Variants in PPP1R3A observed in about 807,000 individuals in gnomAD.
PPP1R3A encodes the protein RG1.
In PPP1R3A, 29 loss-of-function variants were observed where a neutral mutation model predicts 41.7. The ratio of observed to expected loss-of-function variants is 0.70; its 90% confidence interval spans 0.52 to 0.95. PPP1R3A has a LOEUF of 0.95. PPP1R3A is among the 40% of genes least tolerant of loss of function. The pLI, the probability that PPP1R3A is intolerant of heterozygous loss-of-function variation, is 0.00. For missense variants in PPP1R3A, 1,352 were observed against 1,292.4 expected (o/e 1.05, Z -0.71); for synonymous variants, 485 against 453.4 (o/e 1.07, Z -0.89).
chr7:113,880,907 C>T (rs1012809986), intron 3 of PPP1R3A, among the ~76,000 whole-genome samples: 1 of 151,562 alleles, frequency 6.6e-6, no homozygotes, highest in South Asian at 2.1e-4. Flanking sequence ...TTGTTTTATG[C>T]ATTAACGTCA....
Position 113,880,076 on chromosome 7 carries a change from C to T in PPP1R3A, c.1016G>A (p.Arg339Lys), listed in dbSNP as rs1796662673. 2.5e-6 allele frequency: 4 copies of T among 1,609,076 alleles called. No individual in the cohort carries two copies. In the East Asian group the frequency reaches 6.7e-5, roughly 27 times the overall value. Residue 339 changes from arginine to lysine, a missense_variant, in exon 4 of 4, where the codon AGG (arginine) becomes AAG (lysine). Coordinates refer to ENST00000284601, the MANE Select transcript of PPP1R3A (RefSeq NM_002711.4). The part of the protein sequence containing the change: ...RTRSTASRDE[R>K]NTFSTDPVNF... ...GACTGGATCTGTTGAAAATGTATTC[C>T]TTTCATCTCTGGAAGCAGTACTTCT...
chr7:113,913,002 G>T (rs78809945), intron 1 of PPP1R3A, among the ~76,000 whole-genome samples: 21 of 152,190 alleles, frequency 1.4e-4, no homozygotes, highest in Admixed American at 4.6e-4. Flanking sequence ...AAGCCTTGGT[G>T]GACCTCCAAG....
chr7:113,896,747 T>C (rs192732787), intron 1 of PPP1R3A, among the ~76,000 whole-genome samples: 15 of 151,964 alleles, frequency 9.9e-5, no homozygotes, highest in African/African-American at 3.6e-4. Flanking sequence ...AGGAAACAGA[T>C]GTAAGCCACT....
rs1796587427 is a variant in PPP1R3A at position 113,877,553 on chromosome 7, A to G, written c.*170T>C. 18 of 676,070 alleles carry G rather than the reference A, an allele frequency of 2.7e-5. No homozygotes were observed. The South Asian group carries it at 4.1e-4, about 15-fold the overall frequency. 41.9% of individuals were successfully genotyped at this position (676,070 alleles called of 1,614,324 possible). A position where few individuals can be genotyped will look rare whatever the true frequency, so the allele number is the denominator to read the frequency against. On this transcript the variant is annotated 3_prime_UTR_variant, in exon 4 of 4. Coordinates refer to ENST00000284601, the MANE Select transcript of PPP1R3A (RefSeq NM_002711.4). ...TTAATGATCCAAACATAATGGTCCTATATAGAATAATTACTTATATGAAGG... is the reference window on the plus strand; with the variant it reads ...TTAATGATCCAAACATAATGGTCCTGTATAGAATAATTACTTATATGAAGG...
Position 113,879,714 on chromosome 7 carries a change from G to T in PPP1R3A, c.1378C>A (p.Gln460Lys), listed in dbSNP as rs1396740251. The change falls in exon 4 of 4, where the codon CAA (glutamine) becomes AAA (lysine). Residue 460 changes from glutamine to lysine, a missense_variant. Transcript: ENST00000284601. ...TTATTAAGGTTTCCTGCCATTAGTT[G>T]ATCTGAAGAGGGGCAAGGTATTTGC... ...TVQIPCPSSD[Q>K]LMAGNLNKKH... is the part of the protein sequence containing the mutation. 3.7e-6 allele frequency: 6 copies of T among 1,612,970 alleles called. No homozygotes were observed. The East Asian group carries it at 1.1e-4, about 30-fold the overall frequency.
At chr7:113,909,426 T>C (rs1025983523) in intron 1 of PPP1R3A, among the ~76,000 whole-genome samples, 1 of 149,016 alleles carries the variant, frequency 6.7e-6, no homozygotes, top group Non-Finnish European at 1.5e-5. Context: ...GAGGAAATAC[T>C]GTAATAATAG....
rs1370663469 is a variant in PPP1R3A, at chr7:113,879,966, G to T, written c.1126C>A (p.Pro376Thr). ...CTDLFQRSLS[P>T]SSSAESSVKG... ...ACGGAGCTTTCTGCTGATGAACTTGGAGACAGAGACCTTTGGAACAAGTCA... is the reference window on the plus strand; with the variant it reads ...ACGGAGCTTTCTGCTGATGAACTTGTAGACAGAGACCTTTGGAACAAGTCA... Residue 376 changes from proline to threonine, a missense_variant, in exon 4 of 4, where the codon CCA (proline) becomes ACA (threonine). Physicochemically the swap from Pro to Thr is conservative, Grantham distance 38. Coordinates refer to ENST00000284601, the MANE Select transcript of PPP1R3A (RefSeq NM_002711.4). 1 of 1,613,524 alleles carries T rather than the reference G, an allele frequency of 6.2e-7. No individual in the cohort carries two copies. The highest frequency in any genetic ancestry group is 8.5e-7 in the Non-Finnish European group (1 of 1,179,644).
intron 3 of PPP1R3A, among the ~76,000 whole-genome samples, chr7:113,880,898 T>C (rs1159412374): frequency 2.0e-5 from 3 of 151,972 alleles, no homozygotes; most frequent in African/African-American, 7.3e-5. Flanking sequence ...AGAGCTTCAT[T>C]GTTTTATGCA....
At chr7:113,889,519 G>A (rs1318163982) in intron 1 of PPP1R3A, among the ~76,000 whole-genome samples, 1 of 152,080 alleles carries the variant, frequency 6.6e-6, no homozygotes, top group Non-Finnish European at 1.5e-5. Flanking sequence ...TTTGTTGAAT[G>A]GAAAATGCCC....
chr7:113,902,609 T>C (rs1340437813), intron 1 of PPP1R3A, among the ~76,000 whole-genome samples: 1 of 151,816 alleles, frequency 6.6e-6, no homozygotes, highest in African/African-American at 2.4e-5. Context: ...CACTCCCTTC[T>C]TAGAGAATTT....
At chr7:113,909,862 T>C (rs907018030) in intron 1 of PPP1R3A, among the ~76,000 whole-genome samples, 1 of 152,042 alleles carries the variant, frequency 6.6e-6, no homozygotes, top group Admixed American at 6.6e-5. Flanking sequence ...ACTTTTCTGA[T>C]AGAACACATT....
At chr7:113,885,554 G>T (rs1407785400) in intron 1 of PPP1R3A, among the ~76,000 whole-genome samples, 2 of 151,974 alleles carry the variant, frequency 1.3e-5, no homozygotes, top group Non-Finnish European at 2.9e-5. Flanking sequence ...TAACTGGAAT[G>T]TCCATAGTGT....
chr7:113,886,562 C>T (rs1046816647), intron 1 of PPP1R3A, among the ~76,000 whole-genome samples: 1 of 152,080 alleles, frequency 6.6e-6, no homozygotes, highest in African/African-American at 2.4e-5. Context: ...TAGACTAATA[C>T]AGGTGGGTCA....
At chr7:113,893,352 T>C (rs1796924897) in intron 1 of PPP1R3A, among the ~76,000 whole-genome samples, 1 of 151,904 alleles carries the variant, frequency 6.6e-6, no homozygotes, top group South Asian at 2.1e-4. Flanking sequence ...CAAGGATAAA[T>C]TGTCAATTAA....
intron 1 of PPP1R3A, among the ~76,000 whole-genome samples, chr7:113,909,099 T>A (rs1465069399): frequency 6.6e-6 from 1 of 151,882 alleles, no homozygotes; most frequent in African/African-American, 2.4e-5. Context: ...TAAACCCATG[T>A]AACAAACCTG....
intron 1 of PPP1R3A, 71 bp from the exon 2 acceptor site, chr7:113,882,391 G>T: frequency 1.1e-6 from 1 of 919,336 alleles, no homozygotes; most frequent in East Asian, 2.6e-5. Flanking sequence ...TACACAGGGG[G>T]AAATTCAATC....
At position 113,918,999 on chromosome 7, in the gene PPP1R3A, G is replaced by A. The variant is rs1797392159; in HGVS notation, c.-3C>T. On this transcript the variant is annotated 5_prime_UTR_variant, in exon 1 of 4. Coordinates refer to ENST00000284601, the MANE Select transcript of PPP1R3A (RefSeq NM_002711.4). Reference sequence around the variant, plus strand: ...CTAGGTACTTCAGAAGGCTCCATTGGGCTCTCTGATATCAAATAAGAGAGA... The same window carrying A: ...CTAGGTACTTCAGAAGGCTCCATTGAGCTCTCTGATATCAAATAAGAGAGA... 6.2e-7 allele frequency: 1 copy of A among 1,609,328 alleles called. No homozygotes were observed. Among genetic ancestry groups the A allele is most frequent in the South Asian group, 1.1e-5 (1 of 90,988 alleles).
At chr7:113,882,375 T>G (rs1187717850) in intron 1 of PPP1R3A, 55 bp from the exon 2 acceptor site, 43 of 1,076,810 alleles carry the variant, frequency 4.0e-5, no homozygotes, top group Non-Finnish European at 5.3e-5. Flanking sequence ...ATCTTCTAAG[T>G]ATTTTTACAC....
chr7:113,906,287 T>A (rs1419475759), intron 1 of PPP1R3A, among the ~76,000 whole-genome samples: 1 of 151,862 alleles, frequency 6.6e-6, no homozygotes, highest in Non-Finnish European at 1.5e-5. Context: ...GTTTTTAACA[T>A]ATGTAAATAT....
Sources: gnomAD v4.1 joint callset for allele counts (sites outside exome capture counted in the v4.1 genomes callset) on GRCh38, gnomAD v4.1.1 for gene constraint, MANE v1.5 for transcripts, NCBI Gene and HGNC (gene_info 2026-07-23, HGNC 2026-07-21) for gene names.